WDR70: variants seen among roughly 807,000 people sequenced by gnomAD.
The protein encoded by WDR70 is WD repeat-containing protein 70.
A neutral mutation model predicts 88.6 loss-of-function variants in WDR70; 53 were observed. The observed-to-expected ratio is 0.60, with a 90% confidence interval of 0.48 to 0.75. WDR70 has a LOEUF of 0.75. WDR70 is among the 30% of genes least tolerant of loss of function. The pLI is 0.00. For synonymous variants in WDR70, 280 were observed against 270.0 expected, an observed-to-expected ratio of 1.04 and a Z score of -0.36; for missense variants, 610 against 823.2, an observed-to-expected ratio of 0.74 and a Z score of 3.17.
intron 5 of WDR70, among the ~76,000 whole-genome samples, chr5:37,424,179 C>CA (rs565968711): frequency 1.2e-4 from 13 of 112,074 alleles, no homozygotes; most frequent in Non-Finnish European, 1.9e-4. Context: ...AAAACAAAGA[C>CA]AAAAAAAAAT....
intron 5 of WDR70, among the ~76,000 whole-genome samples, chr5:37,409,848 C>G (rs1749467687): frequency 6.6e-6 from 1 of 152,118 alleles, no homozygotes; most frequent in South Asian, 2.1e-4. Context: ...GTTATTCACT[C>G]TTTCCCGTTA....
At chr5:37,637,653 C>T (rs1164005247) in intron 10 of WDR70, among the ~76,000 whole-genome samples, 4 of 152,144 alleles carry the variant, frequency 2.6e-5, no homozygotes, top group Admixed American at 1.3e-4. Flanking sequence ...AGCATATGTA[C>T]GTATACATGA....
At chr5:37,529,315 G>A (rs551934991) in intron 9 of WDR70, among the ~76,000 whole-genome samples, 3 of 152,126 alleles carry the variant, frequency 2.0e-5, no homozygotes, top group Admixed American at 2.0e-4. Flanking sequence ...CTCTTTTTTG[G>A]TTCCCTATGA....
Position 37,421,012 on chromosome 5 carries a change from C to G in WDR70, c.493-16910C>G, listed in dbSNP as rs143566742. ...GCGGATCCTTCTTTTGTGCAATTTTCTAAACAATTAAGATGAATTAACTCA... is the reference window on the plus strand; with the variant it reads ...GCGGATCCTTCTTTTGTGCAATTTTGTAAACAATTAAGATGAATTAACTCA... On this transcript the variant is annotated intron_variant, in intron 5 of 17. Transcript: ENST00000265107. Among the ~76,000 whole-genome samples, 1,115 of 152,312 alleles carry G rather than the reference C, an allele frequency of 7.3e-3. 14 individuals are homozygous for G. The highest frequency in any genetic ancestry group is 0.012 in the Non-Finnish European group (831 of 68,020).
At chr5:37,696,060 C>T (rs1746972011) in intron 10 of WDR70, among the ~76,000 whole-genome samples, 1 of 152,186 alleles carries the variant, frequency 6.6e-6, no homozygotes, top group Admixed American at 6.5e-5. Flanking sequence ...CCCATTGTAG[C>T]ACTTGTCGCT....
At chr5:37,527,915 A>C (rs1435577629) in intron 9 of WDR70, among the ~76,000 whole-genome samples, 3 of 152,238 alleles carry the variant, frequency 2.0e-5, no homozygotes, top group African/African-American at 7.2e-5. Flanking sequence ...AATTCAAATC[A>C]AAACCACAAT....
chr5:37,485,823 C>T (rs889550726), intron 8 of WDR70, among the ~76,000 whole-genome samples: 1 of 148,862 alleles, frequency 6.7e-6, no homozygotes, highest in African/African-American at 2.5e-5. Flanking sequence ...TCCCGAGTAG[C>T]TAAGACTACA....
chr5:37,483,526 T>C (rs1233759335), intron 8 of WDR70, among the ~76,000 whole-genome samples: 2 of 152,240 alleles, frequency 1.3e-5, no homozygotes, highest in Admixed American at 6.5e-5. Flanking sequence ...GGCAACCATC[T>C]GATTTCTCTA....
At chr5:37,516,347 T>C (rs1171026485) in intron 8 of WDR70, among the ~76,000 whole-genome samples, 167 bp from the exon 9 acceptor site, 1 of 152,072 alleles carries the variant, frequency 6.6e-6, no homozygotes, top group African/African-American at 2.4e-5. Flanking sequence ...AAATGAAACA[T>C]GTTATGAGAG....
chr5:37,554,030 C>T (rs769362383), intron 9 of WDR70, among the ~76,000 whole-genome samples: 9 of 151,738 alleles, frequency 5.9e-5, no homozygotes, highest in Non-Finnish European at 1.0e-4. Context: ...GTTTTAACAA[C>T]AGCCTTCCAC....
chr5:37,644,187 A>T (rs146285849), intron 10 of WDR70, among the ~76,000 whole-genome samples: 76 of 152,132 alleles, frequency 5.0e-4, no homozygotes, highest in African/African-American at 1.8e-3. Context: ...GAGGGTTCAT[A>T]TCATGAGGGG....
chr5:37,418,045 C>T (rs981865600), intron 5 of WDR70, among the ~76,000 whole-genome samples: 1 of 152,070 alleles, frequency 6.6e-6, no homozygotes, highest in South Asian at 2.1e-4. Flanking sequence ...CAGTTAGTTC[C>T]TGATTGGAAA....
chr5:37,744,067 G>A (rs1432943632), intron 17 of WDR70, among the ~76,000 whole-genome samples: 1 of 152,248 alleles, frequency 6.6e-6, no homozygotes, highest in East Asian at 1.9e-4. Flanking sequence ...GAAGGAGGAG[G>A]CACCCACCTT....
chr5:37,490,732 C>A (rs1407667173), intron 8 of WDR70, among the ~76,000 whole-genome samples: 1 of 152,092 alleles, frequency 6.6e-6, no homozygotes, highest in Non-Finnish European at 1.5e-5. Flanking sequence ...TGACCTGAGG[C>A]AGGTGGGTCT....
chr5:37,523,253 A>G (rs1399660889), intron 9 of WDR70, among the ~76,000 whole-genome samples: 2 of 152,220 alleles, frequency 1.3e-5, no homozygotes, highest in African/African-American at 2.4e-5. Context: ...CTGACAACCC[A>G]CACAGCTGGG....
intron 8 of WDR70, among the ~76,000 whole-genome samples, 182 bp from the exon 9 acceptor site, chr5:37,516,332 G>A (rs1427532051): frequency 1.3e-5 from 2 of 152,062 alleles, no homozygotes; most frequent in Non-Finnish European, 2.9e-5. Context: ...GAGTTAAAGC[G>A]AAATAAATGA....
intron 9 of WDR70, among the ~76,000 whole-genome samples, chr5:37,538,512 A>G (rs1344549531): frequency 2.0e-5 from 3 of 152,194 alleles, no homozygotes; most frequent in Non-Finnish European, 2.9e-5. Context: ...TTCAGATGGC[A>G]ATTGTGAGAA....
intron 7 of WDR70, among the ~76,000 whole-genome samples, chr5:37,446,577 G>C (rs561017658): frequency 1.3e-5 from 2 of 152,236 alleles, no homozygotes; most frequent in African/African-American, 2.4e-5. Flanking sequence ...GCATGGTACT[G>C]GTACCAAAAC....
At chr5:37,676,201 CT>C (rs1463747185) in intron 10 of WDR70, among the ~76,000 whole-genome samples, 3 of 151,544 alleles carry the variant, frequency 2.0e-5, no homozygotes, top group Non-Finnish European at 4.4e-5. Context: ...TTGACATCCT[CT>C]TTTCCTAATT....
Sources: gnomAD v4.1 joint callset for allele counts (sites outside exome capture counted in the v4.1 genomes callset) on GRCh38, gnomAD v4.1.1 for gene constraint, MANE v1.5 for transcripts, NCBI Gene and HGNC (gene_info 2026-07-23, HGNC 2026-07-21) for gene names.